RPTOR: variants seen among roughly 807,000 people sequenced by gnomAD.
RPTOR encodes the protein regulatory associated protein of MTOR complex 1.
A neutral mutation model predicts 169.9 loss-of-function variants in RPTOR; 21 were observed. The ratio of observed to expected loss-of-function variants is 0.12; its 90% CI spans 0.09 to 0.18. The LOEUF (loss-of-function observed/expected upper bound fraction) is 0.18, where lower values mean the gene tolerates loss of function less well. Ranked by LOEUF, RPTOR falls within the 10% of genes least tolerant of loss-of-function variation. RPTOR has a pLI of 1.00. For synonymous variants in RPTOR, 732 were observed against 753.2 expected, an observed-to-expected ratio of 0.97 and a Z score of 0.46; for missense variants, 1,133 against 1,855.9, an observed-to-expected ratio of 0.61 and a Z score of 7.16.
At chr17:80,940,339 G>A in intron 24 of RPTOR, 157 bp from the exon 25 acceptor site, 1 of 592,468 alleles carries the variant, frequency 1.7e-6, no homozygotes, top group Non-Finnish European at 3.0e-6. Context: ...GCCGGAGGAT[G>A]TGTTCTGCTT....
chr17:80,893,308 TGCGCCAGGTGTGTGCGC>T (rs1218038895), intron 19 of RPTOR, among the ~76,000 whole-genome samples: 12 of 140,394 alleles, frequency 8.5e-5, no homozygotes, highest in South Asian at 2.3e-4. Flanking sequence ...GGTGTGTGTG[TGCGCCAGGTGTGTGCGC>T]GCGCCAGGTG....
chr17:80,747,706 T>G (rs1266671763), intron 5 of RPTOR, among the ~76,000 whole-genome samples: 1 of 152,152 alleles, frequency 6.6e-6, no homozygotes, highest in Non-Finnish European at 1.5e-5. Flanking sequence ...CCACGGGAGC[T>G]TTGTCTCTCC....
At chr17:80,625,830 G>T (rs374291231) in intron 2 of RPTOR, 37 bp downstream of exon 2, 8 of 1,470,662 alleles carry the variant, frequency 5.4e-6, no homozygotes, top group East Asian at 4.5e-5. Flanking sequence ...CACAAAGGCC[G>T]TCTGGCCGGC....
At position 80,947,122 on chromosome 17, in the gene RPTOR, G is replaced by A. The variant is rs1340607635; in HGVS notation, c.3141-105G>A. On this transcript the variant is annotated intron_variant, in intron 26 of 33. Coordinates refer to ENST00000306801, the MANE Select transcript of RPTOR (RefSeq NM_020761.3). The surrounding 1 kb of genome is among the most constrained non-coding windows in gnomAD (Gnocchi z 4.4). The stretch of plus-strand genomic sequence containing the variant: ...GTGAGCCGCCGTGCCCGGCTGTGGT[G>A]TGTGGTTTTTTGATAGCAGCCCGGT... 5.2e-6 allele frequency: 6 copies of A among 1,155,108 alleles called. No individual in the cohort carries two copies. The highest frequency in any genetic ancestry group is 7.1e-6 in the Non-Finnish European group (6 of 849,624). 71.6% of individuals were successfully genotyped at this position (1,155,108 alleles called of 1,614,324 possible).
At chr17:80,794,774 G>C (rs557058580) in intron 7 of RPTOR, among the ~76,000 whole-genome samples, 1 of 152,372 alleles carries the variant, frequency 6.6e-6, no homozygotes, top group South Asian at 2.1e-4. Flanking sequence ...GCGGTTCCCA[G>C]AAGTATCACA....
rs373644014 is a variant in RPTOR at position 80,837,917 on chromosome 17, C to G, written c.1137-5C>G. 5 of 1,609,968 alleles carry G rather than the reference C, an allele frequency of 3.1e-6. No homozygotes were observed. The Admixed American group carries it at 8.4e-5, about 27-fold the overall frequency. On this transcript the variant is annotated splice_polypyrimidine_tract_variant and splice_region_variant and intron_variant, in intron 9 of 33. Transcript: ENST00000306801. Reference sequence around the variant, plus strand: ...CTCAGTGGATTTCCTCTGTTCTCTCCGCAGGCAAGCCTGGGACCTGGCTGT... The same window carrying G: ...CTCAGTGGATTTCCTCTGTTCTCTCGGCAGGCAAGCCTGGGACCTGGCTGT...
At position 80,945,649 on chromosome 17, in the gene RPTOR, G is replaced by T. The variant is rs201002965; in HGVS notation, c.3026-18G>T. 6.7e-7 allele frequency: 1 copy of T among 1,493,282 alleles called. No individual in the cohort carries two copies. The highest frequency in any genetic ancestry group is 9.3e-7 in the Non-Finnish European group (1 of 1,075,928). 92.5% of individuals were successfully genotyped at this position (1,493,282 alleles called of 1,614,324 possible). A position where few individuals can be genotyped will look rare whatever the true frequency, so the allele number is the denominator to read the frequency against. On this transcript the variant is annotated intron_variant, in intron 25 of 33. Coordinates refer to ENST00000306801, the MANE Select transcript of RPTOR (RefSeq NM_020761.3). ...GATGCTGGCTCCTGGATCCACTCTT[G>T]TGTGTTTCTTTTGACAGGCATTACG...
At chr17:80,897,542 A>G (rs1242140464) in intron 20 of RPTOR, among the ~76,000 whole-genome samples, 1 of 152,240 alleles carries the variant, frequency 6.6e-6, no homozygotes, top group Admixed American at 6.5e-5. Context: ...AGGGAATTAC[A>G]TGATTGAATT....
chr17:80,567,363 T>C (rs2064855006), intron 1 of RPTOR, among the ~76,000 whole-genome samples: 1 of 152,056 alleles, frequency 6.6e-6, no homozygotes, highest in South Asian at 2.1e-4. Flanking sequence ...TACCTTCAAA[T>C]GATATTATGC....
At chr17:80,873,300 G>A (rs2068071496) in intron 13 of RPTOR, among the ~76,000 whole-genome samples, 1 of 152,056 alleles carries the variant, frequency 6.6e-6, no homozygotes, top group Admixed American at 6.5e-5. Context: ...TGGGAAGCAG[G>A]TCCTGGGAGT....
At chr17:80,826,362 C>T (rs1461443273) in intron 9 of RPTOR, among the ~76,000 whole-genome samples, 3 of 152,206 alleles carry the variant, frequency 2.0e-5, no homozygotes, top group South Asian at 2.1e-4. Flanking sequence ...TCTCCTCATC[C>T]GGGAAAGTGA....
At chr17:80,610,623 G>A (rs1481537966) in intron 1 of RPTOR, among the ~76,000 whole-genome samples, 2 of 152,112 alleles carry the variant, frequency 1.3e-5, no homozygotes, top group African/African-American at 4.8e-5. Flanking sequence ...CACTGAGTGG[G>A]AGTGAATGGG....
At chr17:80,548,078 CTT>C (rs55928458) in intron 1 of RPTOR, among the ~76,000 whole-genome samples, 112 of 102,764 alleles carry the variant, frequency 1.1e-3, no homozygotes, top group Middle Eastern at 0.011. Context: ...TTTTCTGTTT[CTT>C]TTTTTTTTTT....
At chr17:80,691,332 T>G (rs748345405) in intron 3 of RPTOR, among the ~76,000 whole-genome samples, 1 of 151,118 alleles carries the variant, frequency 6.6e-6, no homozygotes, top group South Asian at 2.1e-4. Context: ...TGCATAGGTA[T>G]GTGTGTGGTG....
At position 80,633,370 on chromosome 17, in the gene RPTOR, T is replaced by G. The variant is rs1341751187; in HGVS notation, c.265+7577T>G. On this transcript the variant is annotated intron_variant, in intron 2 of 33. Transcript: ENST00000306801. The surrounding 1 kb of genome is among the most constrained non-coding windows in gnomAD (Gnocchi z 4.1). ...AGGAATGTCCTTTGTAGCGCCAGGA[T>G]CCTGCTCAGCCATGCGCCATCCTAA... Among the ~76,000 whole-genome samples the G allele has an allele frequency of 6.6e-6, 1 of 152,210 alleles. No individual in the cohort carries two copies. Among genetic ancestry groups the G allele is most frequent in the African/African-American group, 2.4e-5 (1 of 41,444 alleles).
intron 21 of RPTOR, among the ~76,000 whole-genome samples, chr17:80,914,261 G>GT (rs1289982558): frequency 1.3e-5 from 2 of 152,244 alleles, no homozygotes; most frequent in East Asian, 1.9e-4. Context: ...AACTGGCAGG[G>GT]TGGGAGCCTC....
intron 20 of RPTOR, among the ~76,000 whole-genome samples, chr17:80,894,833 G>A (rs1317932165): frequency 3.9e-5 from 6 of 152,014 alleles, no homozygotes; most frequent in Non-Finnish European, 5.9e-5. Context: ...ACCCTACCCC[G>A]GTCCCATTCC....
At position 80,823,252 on chromosome 17, in the gene RPTOR, G is replaced by A. The variant is rs775847512; in HGVS notation, c.1136+29G>A. 106 of 1,608,818 alleles carry A rather than the reference G, an allele frequency of 6.6e-5. No individual in the cohort carries two copies. The East Asian group carries it at 8.0e-4, about 12-fold the overall frequency. ...AGTGTTTCAGGATCCTCCAGGTGCC[G>A]TGCTCCCCCGCCCTCCGTGGCACTG... On this transcript the variant is annotated intron_variant, in intron 9 of 33. Coordinates refer to ENST00000306801, the MANE Select transcript of RPTOR (RefSeq NM_020761.3). This position sits in a 1 kb window ranked among gnomAD's most constrained non-coding sequence, Gnocchi z 4.5.
chr17:80,729,853 G>T (rs941751857), intron 4 of RPTOR, among the ~76,000 whole-genome samples: 5 of 152,210 alleles, frequency 3.3e-5, no homozygotes, highest in Non-Finnish European at 5.9e-5. Context: ...TCCATGGAGG[G>T]AGGCCCCGCG....
Sources: allele counts gnomAD v4.1 joint callset (sites outside exome capture counted in the v4.1 genomes callset), GRCh38; gene constraint gnomAD v4.1.1; non-coding constraint Gnocchi (gnomAD v3.1); transcripts MANE v1.5; gene names NCBI Gene and HGNC (gene_info 2026-07-23, HGNC 2026-07-21).